Variants in CDYL observed in about 807,000 individuals in gnomAD.
CDYL encodes the protein chromodomain Y-like protein.
CDYL carries 8 observed loss-of-function variants against 47.3 expected under a neutral mutation model. That is an observed-to-expected ratio of 0.17 (90% CI 0.10 to 0.31). The LOEUF is 0.31. Among genes scored for constraint, CDYL ranks in the 10% least tolerant of loss-of-function variants. CDYL has a pLI of 1.00. For synonymous variants in CDYL, 266 were observed against 265.0 expected, an observed-to-expected ratio of 1.00 and a Z score of -0.04; for missense variants, 471 against 701.4, an observed-to-expected ratio of 0.67 and a Z score of 3.71.
intron 1 of CDYL, among the ~76,000 whole-genome samples, chr6:4,849,478 G>T (rs78298641): frequency 0.023 from 3,493 of 152,224 alleles, 135 homozygotes; most frequent in African/African-American, 0.079. Context: ...GATAATTCGT[G>T]TGGTGTGTTC....
chr6:4,856,846 C>T (rs1360328943), intron 1 of CDYL, among the ~76,000 whole-genome samples: 1 of 152,174 alleles, frequency 6.6e-6, no homozygotes, highest in Non-Finnish European at 1.5e-5. Context: ...CATTAGTTAA[C>T]AATTTTTGCA....
intron 1 of CDYL, among the ~76,000 whole-genome samples, chr6:4,779,522 G>C (rs539378390): frequency 2.0e-4 from 30 of 152,270 alleles, no homozygotes; most frequent in Middle Eastern, 3.4e-3. Flanking sequence ...TGTTTAAATG[G>C]CTATTGAAAC....
chr6:4,760,902 G>C (rs62384843), intron 3 of CDYL, among the ~76,000 whole-genome samples: 31,583 of 150,528 alleles, frequency 0.21, 5,212 homozygotes, highest in African/African-American at 0.46. Flanking sequence ...ACTCCCAGCC[G>C]CATCCCAACC....
intron 2 of CDYL, among the ~76,000 whole-genome samples, chr6:4,720,402 T>C (rs1374209688): frequency 6.6e-6 from 1 of 152,228 alleles, no homozygotes; most frequent in Non-Finnish European, 1.5e-5. Flanking sequence ...TTACACCTAG[T>C]AGGCATGAAA....
chr6:4,876,743 G>C (rs570336401), intron 1 of CDYL, among the ~76,000 whole-genome samples: 1 of 152,186 alleles, frequency 6.6e-6, no homozygotes, highest in African/African-American at 2.4e-5. Flanking sequence ...AGGTCTTAGG[G>C]ACTAGGGGCT....
At chr6:4,918,650 C>T (rs527476225) in intron 2 of CDYL, among the ~76,000 whole-genome samples, 9 of 152,282 alleles carry the variant, frequency 5.9e-5, no homozygotes, top group East Asian at 1.9e-4. Flanking sequence ...AGATTGACCG[C>T]GCTTGAATAA....
chr6:4,894,796 C>G (rs565598583), intron 2 of CDYL, among the ~76,000 whole-genome samples: 1 of 149,332 alleles, frequency 6.7e-6, no homozygotes, highest in South Asian at 2.1e-4. Context: ...TCTTAGGAGG[C>G]CATAGATCTG....
intron 1 of CDYL, among the ~76,000 whole-genome samples, chr6:4,788,255 C>T (rs1758811710): frequency 1.3e-5 from 2 of 151,534 alleles, no homozygotes; most frequent in Admixed American, 1.3e-4. Context: ...TTCGGGAGGC[C>T]AAGGCAGGAG....
chr6:4,831,951 C>A (rs1760157506), intron 1 of CDYL, among the ~76,000 whole-genome samples: 1 of 151,990 alleles, frequency 6.6e-6, no homozygotes, highest in Non-Finnish European at 1.5e-5. Flanking sequence ...GCTGAAGTTG[C>A]TTATCAGCTT....
intron 2 of CDYL, among the ~76,000 whole-genome samples, chr6:4,921,200 C>T (rs1483807982): frequency 6.6e-6 from 1 of 152,126 alleles, no homozygotes; most frequent in Non-Finnish European, 1.5e-5. Flanking sequence ...CAGGAAGCAC[C>T]AACATAGGTG....
chr6:4,936,083 C>T (rs1758184441), intron 3 of CDYL, among the ~76,000 whole-genome samples: 1 of 152,306 alleles, frequency 6.6e-6, no homozygotes, highest in African/African-American at 2.4e-5. Flanking sequence ...CTGGCGGGCA[C>T]GGGGCTCCAT....
At chr6:4,764,021 A>C (rs1758215318) in intron 3 of CDYL, among the ~76,000 whole-genome samples, 1 of 152,202 alleles carries the variant, frequency 6.6e-6, no homozygotes. Flanking sequence ...AAAAAGAAAC[A>C]GAACAAGTAG....
chr6:4,819,116 T>TTCTCTCTCTCTC (rs373718294), intron 1 of CDYL, among the ~76,000 whole-genome samples: 1,543 of 76,522 alleles, frequency 0.02, 42 homozygotes, highest in Non-Finnish European at 0.023. Context: ...TTTAGGTTCG[T>TTCTCTCTCTCTC]TCTCTCTCTC....
chr6:4,715,803 T>C (rs3812178), exon 2 of CDYL: 341,996 of 1,613,338 alleles, frequency 0.21, 38,431 homozygotes, highest in Admixed American at 0.33. Context: ...AAGCCACAGG[T>C]CAGCCTGGGG....
intron 5 of CDYL, among the ~76,000 whole-genome samples, chr6:4,951,896 T>C (rs1403285536): frequency 1.3e-5 from 2 of 152,158 alleles, no homozygotes; most frequent in African/African-American, 2.4e-5. Flanking sequence ...GGGCCGGCAT[T>C]AGGGGGAGGA....
chr6:4,852,524 CTTCCTTCCAATCT>C lies in CDYL; in HGVS notation c.25-39187_25-39175del, dbSNP rs1303050728. ...CCTTCCTTCCTTCCAATCTTCCTTC[CTTCCTTCCAATCT>C]TCCTTCCTTCCTTCCTTCCTTCCAA... is the stretch of plus-strand genomic sequence containing the variant. On this transcript the variant is annotated intron_variant, in intron 1 of 6. Coordinates refer to ENST00000397588, the MANE Select transcript of CDYL (RefSeq NM_004824.4). 2.0e-4 allele frequency among the ~76,000 whole-genome samples: 24 copies of C among 120,510 alleles called. 1 individual carries two copies. The highest frequency in any genetic ancestry group is 9.4e-4 in the African/African-American group (24 of 25,444). The allele number at this position is 120,510 out of a possible 152,430, so 79.1% of individuals were successfully genotyped here.
At chr6:4,838,943 G>C (rs1196201596) in intron 1 of CDYL, among the ~76,000 whole-genome samples, 1 of 152,084 alleles carries the variant, frequency 6.6e-6, no homozygotes, top group Non-Finnish European at 1.5e-5. Flanking sequence ...CCTCGGCCTT[G>C]GGATTACAGG....
At chr6:4,928,517 C>G (rs573395129) in intron 2 of CDYL, among the ~76,000 whole-genome samples, 1 of 152,272 alleles carries the variant, frequency 6.6e-6, no homozygotes, top group African/African-American at 2.4e-5. Context: ...TTGACATAAA[C>G]CGTCAACCAT....
chr6:4,821,199 G>GA (rs1759824313), intron 1 of CDYL, among the ~76,000 whole-genome samples: 1 of 131,418 alleles, frequency 7.6e-6, no homozygotes, highest in Non-Finnish European at 1.6e-5. Context: ...GCTCTCTGAA[G>GA]AAAAAAGCAC....
Sources: gnomAD v4.1 joint callset for allele counts (sites outside exome capture counted in the v4.1 genomes callset) on GRCh38, gnomAD v4.1.1 for gene constraint, MANE v1.5 for transcripts, NCBI Gene and HGNC (gene_info 2026-07-23, HGNC 2026-07-21) for gene names.